Variants in INPP4B observed in about 807,000 individuals in gnomAD.
The protein encoded by INPP4B is inositol polyphosphate-4-phosphatase type II B, also known as inositol polyphosphate 4-phosphatase type II.
INPP4B carries 55 observed loss-of-function variants against 122.5 expected under a neutral mutation model. That is an observed-to-expected ratio of 0.45 (90% CI 0.36 to 0.56). The LOEUF (loss-of-function observed/expected upper bound fraction) is 0.56, where lower values mean the gene tolerates loss of function less well. Among genes scored for constraint, INPP4B ranks in the 20% least tolerant of loss-of-function variants. The pLI is 0.00. For synonymous variants in INPP4B, 403 were observed against 388.7 expected, an observed-to-expected ratio of 1.04 and a Z score of -0.43; for missense variants, 1,000 against 1,097.7, an observed-to-expected ratio of 0.91 and a Z score of 1.26.
At chr4:142,072,919 C>T (rs1396983711) in intron 25 of INPP4B, among the ~76,000 whole-genome samples, 1 of 152,030 alleles carries the variant, frequency 6.6e-6, no homozygotes, top group Non-Finnish European at 1.5e-5. Context: ...CCTAAGGCCT[C>T]TTAGAATTTC....
At chr4:142,222,964 T>A (rs1414999895) in intron 12 of INPP4B, among the ~76,000 whole-genome samples, 4 of 152,224 alleles carry the variant, frequency 2.6e-5, no homozygotes, top group Admixed American at 2.6e-4. Context: ...ATGTTAGGCA[T>A]GGTTTCCACA....
intron 2 of INPP4B, among the ~76,000 whole-genome samples, chr4:142,615,379 G>A (rs1743473809): frequency 6.6e-6 from 1 of 152,112 alleles, no homozygotes; most frequent in African/African-American, 2.4e-5. Context: ...GGTTATAGGT[G>A]GATTAAGAGA....
At chr4:142,185,976 G>T (rs950045830) in intron 15 of INPP4B, among the ~76,000 whole-genome samples, 1 of 149,826 alleles carries the variant, frequency 6.7e-6, no homozygotes, top group African/African-American at 2.4e-5. Flanking sequence ...AATTTGCAAA[G>T]ATATATGAAT....
In INPP4B at chr4:142,608,727, A is replaced by G. The variant is rs78222246; in HGVS notation, c.-191+117112T>C. ...ACCAGTTTCGTTGAGTCCCTCTCCA[A>G]CCAAAATCTCAACAGAGTCTGCTGC... On this transcript the variant is annotated intron_variant, in intron 2 of 25. Coordinates refer to ENST00000262992, the MANE Select transcript of INPP4B (RefSeq NM_001101669.3). Among the ~76,000 whole-genome samples the G allele has an allele frequency of 8.9e-3, 1,350 of 152,242 alleles. 24 individuals carry two copies. The highest frequency in any genetic ancestry group is 0.031 in the African/African-American group (1,280 of 41,562).
At chr4:142,738,935 A>T (rs972210326) in intron 1 of INPP4B, among the ~76,000 whole-genome samples, 8 of 152,214 alleles carry the variant, frequency 5.3e-5, no homozygotes, top group African/African-American at 1.9e-4. Flanking sequence ...TCAAGTATTC[A>T]CTTACAAGTT....
intron 12 of INPP4B, among the ~76,000 whole-genome samples, chr4:142,228,317 A>T (rs1345428430): frequency 2.6e-5 from 4 of 151,732 alleles, no homozygotes; most frequent in Admixed American, 2.6e-4. Flanking sequence ...ATACAAATCA[A>T]ATATATTACT....
chr4:142,240,379 A>G lies in INPP4B; in HGVS notation c.689-2368T>C, dbSNP rs1858768554. Among the ~76,000 whole-genome samples, 4 of 152,078 alleles carry G rather than the reference A, an allele frequency of 2.6e-5. No homozygotes were observed. In the South Asian group the frequency reaches 8.3e-4, roughly 32 times the overall value. ...TTCTAATACTCTTCAATGCACTCTG[A>G]ATATAAACCTTTGTTGAAATAGATT... On this transcript the variant is annotated intron_variant, in intron 11 of 25. Coordinates refer to ENST00000262992, the MANE Select transcript of INPP4B (RefSeq NM_001101669.3).
At chr4:142,260,648 G>A (rs1365824362) in intron 10 of INPP4B, 84 bp from the exon 11 acceptor site, 1 of 887,036 alleles carries the variant, frequency 1.1e-6, no homozygotes, top group East Asian at 2.6e-5. Flanking sequence ...AAAACATAAG[G>A]CTATGTACAT....
chr4:142,305,643 C>T, intron 8 of INPP4B, 106 bp from the exon 9 acceptor site: 2 of 1,487,908 alleles, frequency 1.3e-6, no homozygotes, highest in Non-Finnish European at 1.8e-6. Context: ...AATATTAAAT[C>T]TATTAGCCTG....
In INPP4B at chr4:142,347,464, A is replaced by C. The variant is rs942627631; in HGVS notation, c.373-32702T>G. 363 of 428,948 alleles carry C rather than the reference A, an allele frequency of 8.5e-4. 2 individuals carry two copies. The highest frequency in any genetic ancestry group is 5.8e-3 in the South Asian group (340 of 58,648). 26.6% of individuals were successfully genotyped at this position (428,948 alleles called of 1,614,324 possible). A position where few individuals can be genotyped will look rare whatever the true frequency, so the allele number is the denominator to read the frequency against. ...GTATTGCATCACAGCTGACACATAA[A>C]ATGAAGGTTGGAAGAAGCCAAGTCA... On this transcript the variant is annotated intron_variant, in intron 7 of 25. Transcript: ENST00000262992.
chr4:142,043,849 T>C (rs981445393), intron 25 of INPP4B, among the ~76,000 whole-genome samples: 7 of 152,108 alleles, frequency 4.6e-5, no homozygotes, highest in Non-Finnish European at 1.0e-4. Flanking sequence ...GGATTAGCTG[T>C]GTTGTAGGAT....
intron 9 of INPP4B, among the ~76,000 whole-genome samples, 161 bp from the exon 10 acceptor site, chr4:142,270,935 G>T (rs1745478868): frequency 6.8e-6 from 1 of 147,982 alleles, no homozygotes; most frequent in Non-Finnish European, 1.5e-5. Context: ...GTAGGTGTTT[G>T]TGTGTGTGTG....
chr4:142,662,233 A>T (rs1755317729), intron 2 of INPP4B, among the ~76,000 whole-genome samples: 1 of 129,080 alleles, frequency 7.7e-6, no homozygotes, highest in African/African-American at 2.9e-5. Flanking sequence ...AGACTGCCTC[A>T]AAAAAAAAAA....
intron 17 of INPP4B, among the ~76,000 whole-genome samples, chr4:142,148,868 C>T (rs938851732): frequency 1.3e-5 from 2 of 152,206 alleles, no homozygotes; most frequent in Non-Finnish European, 2.9e-5. Flanking sequence ...TTAGAGGACA[C>T]AGGAGATGAC....
rs1824701047 is a variant in INPP4B at position 142,169,875 on chromosome 4, G to A, written c.1359+3757C>T. Among the ~76,000 whole-genome samples, 5 of 151,570 alleles carry A rather than the reference G, an allele frequency of 3.3e-5. No individual in the cohort carries two copies. In the South Asian group the frequency reaches 1.0e-3, roughly 31 times the overall value. ...GCTCAATAGTGCTTTTTGATGAGCA[G>A]GATAATAATGACTTATTAAACAAGG... On this transcript the variant is annotated intron_variant, in intron 16 of 25. Coordinates refer to ENST00000262992, the MANE Select transcript of INPP4B (RefSeq NM_001101669.3).
intron 2 of INPP4B, among the ~76,000 whole-genome samples, chr4:142,537,875 CTGG>C (rs945774957): frequency 6.6e-6 from 1 of 151,808 alleles, no homozygotes; most frequent in Admixed American, 6.6e-5. Flanking sequence ...TTTTTCAAAT[CTGG>C]GTTTCAAAGA....
At chr4:142,619,629 G>C (rs114617313) in intron 2 of INPP4B, among the ~76,000 whole-genome samples, 1,654 of 152,032 alleles carry the variant, frequency 0.011, 30 homozygotes, top group African/African-American at 0.038. Flanking sequence ...ATAGGGAATT[G>C]CTATCCAATA....
intron 2 of INPP4B, among the ~76,000 whole-genome samples, chr4:142,561,110 C>A (rs945586940): frequency 6.6e-6 from 1 of 151,980 alleles, no homozygotes; most frequent in Non-Finnish European, 1.5e-5. Flanking sequence ...TATGTTAGAG[C>A]TAAACTCACT....
intron 8 of INPP4B, among the ~76,000 whole-genome samples, chr4:142,311,952 C>T (rs1157166446): frequency 6.6e-6 from 1 of 152,128 alleles, no homozygotes; most frequent in Non-Finnish European, 1.5e-5. Context: ...TTTTGAGTAG[C>T]TGAAGCCCTG....
Sources: gnomAD v4.1 joint callset for allele counts (sites outside exome capture counted in the v4.1 genomes callset) on GRCh38, gnomAD v4.1.1 for gene constraint, MANE v1.5 for transcripts, NCBI Gene and HGNC (gene_info 2026-07-23, HGNC 2026-07-21) for gene names.